ALK: variants seen among roughly 807,000 people sequenced by gnomAD.
ALK encodes ALK tyrosine kinase receptor.
Under a neutral mutation model 163.1 loss-of-function variants are expected in ALK, and 74 were observed. That is an observed-to-expected ratio of 0.45 (90% CI 0.38 to 0.55). The LOEUF (loss-of-function observed/expected upper bound fraction) is 0.55, where lower values mean the gene tolerates loss of function less well. ALK is among the 20% of genes least tolerant of loss of function. The probability of loss-of-function intolerance (pLI) is 0.00; values close to 1 mark genes in which losing one functional copy is unlikely to be tolerated. For missense variants in ALK, 2,063 were observed against 2,105.3 expected, an observed-to-expected ratio of 0.98 and a Z score of 0.39; for synonymous variants, 960 against 843.2, an observed-to-expected ratio of 1.14 and a Z score of -2.40.
rs1673132479 is a variant in ALK, at chr2:29,531,990, C to T, written c.1079G>A (p.Arg360Lys). ...GTGGGGCAGCAGCTGGGCAATGTAC[C>T]TTCCAGAGGGCTGCAGGTGCCTGTG... ...SVHRHLQPSGRYIAQLLPHNE... is the reference protein window; with the variant it reads ...SVHRHLQPSGKYIAQLLPHNE... Residue 360 changes from arginine to lysine, a missense_variant, in exon 4 of 29, where the codon AGG (arginine) becomes AAG (lysine). Arg to Lys is a conservative substitution (Grantham distance 26). Coordinates refer to ENST00000389048, the MANE Select transcript of ALK (RefSeq NM_004304.5). 9 of 1,614,164 alleles carry T rather than the reference C, an allele frequency of 5.6e-6. No homozygotes were observed. Among genetic ancestry groups the T allele is most frequent in the Non-Finnish European group, 7.6e-6 (9 of 1,180,014 alleles).
chr2:29,431,267 G>A (rs1370299493), intron 4 of ALK, among the ~76,000 whole-genome samples: 1 of 152,116 alleles, frequency 6.6e-6, no homozygotes, highest in African/African-American at 2.4e-5. Flanking sequence ...GTGCTCTCAG[G>A]TTGTATCTCC....
intron 5 of ALK, among the ~76,000 whole-genome samples, chr2:29,369,184 C>A (rs1349988967): frequency 6.6e-6 from 1 of 152,180 alleles, no homozygotes; most frequent in Admixed American, 6.5e-5. Context: ...CTAGGGAAGA[C>A]CTCAGCCTTG....
In ALK at chr2:29,193,927, C is replaced by A. The variant is rs1668958083; in HGVS notation, c.4165-5G>T. The A allele has an allele frequency of 1.9e-6, 3 of 1,613,794 alleles. No individual in the cohort carries two copies. Among genetic ancestry groups the A allele is most frequent in the Non-Finnish European group, 2.5e-6 (3 of 1,179,920 alleles). ...GGTGTTGATTACATCCGGGTCCTGC[C>A]GTAGGGGAAATTATTAAAACTTTGA... On this transcript the variant is annotated splice_region_variant and splice_polypyrimidine_tract_variant and intron_variant, in intron 28 of 28. Coordinates refer to ENST00000389048, the MANE Select transcript of ALK (RefSeq NM_004304.5).
chr2:29,367,370 C>T (rs550485515), intron 5 of ALK, among the ~76,000 whole-genome samples: 1 of 152,302 alleles, frequency 6.6e-6, no homozygotes, highest in South Asian at 2.1e-4. Flanking sequence ...GACTTGGCCA[C>T]TTGGTAGCTG....
In ALK at chr2:29,438,684, A is replaced by AT. The variant is rs1670463175; in HGVS notation, c.1155-54826dup. Among the ~76,000 whole-genome samples, 3 of 152,154 alleles carry AT rather than the reference A, an allele frequency of 2.0e-5. No homozygotes were observed. In the South Asian group the frequency reaches 6.2e-4, roughly 32 times the overall value. ...GACCTTCAGAGGGCTGCCTTCAGGA[A>AT]TATGTAGGTGGAGCTAAGAAGTTCC... On this transcript the variant is annotated intron_variant, in intron 4 of 28. Coordinates refer to ENST00000389048, the MANE Select transcript of ALK (RefSeq NM_004304.5).
intron 1 of ALK, among the ~76,000 whole-genome samples, chr2:29,834,278 TACTC>T (rs1192830788): frequency 2.0e-5 from 3 of 152,220 alleles, no homozygotes; most frequent in African/African-American, 7.2e-5. Context: ...GTCTACATGG[TACTC>T]ACCCAATTAG....
chr2:29,637,004 C>T (rs993031017), intron 3 of ALK, among the ~76,000 whole-genome samples: 8 of 152,122 alleles, frequency 5.3e-5, no homozygotes, highest in Non-Finnish European at 1.2e-4. Context: ...TAACATGGTA[C>T]AGCCACTCTG....
chr2:29,247,035 A>G (rs111947608), intron 12 of ALK, among the ~76,000 whole-genome samples: 2 of 152,270 alleles, frequency 1.3e-5, no homozygotes, highest in African/African-American at 4.8e-5. Context: ...TTTGTAGACA[A>G]TGCTTAGGGC....
At chr2:29,748,527 T>G (rs1680268961) in intron 1 of ALK, among the ~76,000 whole-genome samples, 1 of 152,010 alleles carries the variant, frequency 6.6e-6, no homozygotes, top group African/African-American at 2.4e-5. Context: ...ATGCCGCTGG[T>G]CAAACACTAT....
At position 29,920,873 on chromosome 2, in the gene ALK, C is replaced by T. The variant is rs1053232010; in HGVS notation, c.-214G>A. ...TGAAACAGACCTGGAAGCTCAGGGG[C>T]GAGTCCAGAGACACTCAAGCACACT... On this transcript the variant is annotated 5_prime_UTR_variant, in exon 1 of 29. Coordinates refer to ENST00000389048, the MANE Select transcript of ALK (RefSeq NM_004304.5). 30 of 585,886 alleles carry T rather than the reference C, an allele frequency of 5.1e-5. No individual in the cohort carries two copies. The highest frequency in any genetic ancestry group is 3.9e-4 in the Admixed American group (13 of 33,050). The allele number at this position is 585,886 out of a possible 1,614,324, so 36.3% of individuals were successfully genotyped here. A position where few individuals can be genotyped will look rare whatever the true frequency, so the allele number is the denominator to read the frequency against.
chr2:29,446,612 C>T (rs1311244467), intron 4 of ALK, among the ~76,000 whole-genome samples: 1 of 152,192 alleles, frequency 6.6e-6, no homozygotes. Context: ...GCCACCACTG[C>T]CAAGATCTCC....
chr2:29,546,227 T>C (rs1407435219), intron 3 of ALK, among the ~76,000 whole-genome samples: 1 of 152,180 alleles, frequency 6.6e-6, no homozygotes, highest in Admixed American at 6.5e-5. Flanking sequence ...GTTTTTTTCT[T>C]TTACATCAAT....
chr2:29,300,089 G>C (rs1424857719), intron 8 of ALK, among the ~76,000 whole-genome samples: 1 of 152,204 alleles, frequency 6.6e-6, no homozygotes, highest in East Asian at 1.9e-4. Context: ...AGAAATGCAT[G>C]AGTGTTGCAT....
intron 1 of ALK, among the ~76,000 whole-genome samples, chr2:29,732,573 A>C (rs1240945550): frequency 6.6e-6 from 1 of 152,140 alleles, no homozygotes; most frequent in East Asian, 1.9e-4. Context: ...TGTTAGGGAG[A>C]ACTGTGGACT....
At chr2:29,491,224 CAT>C (rs1335141120) in intron 4 of ALK, among the ~76,000 whole-genome samples, 1 of 152,184 alleles carries the variant, frequency 6.6e-6, no homozygotes, top group Non-Finnish European at 1.5e-5. Context: ...TCTAATGTCT[CAT>C]GTGGTTAGTC....
intron 26 of ALK, among the ~76,000 whole-genome samples, chr2:29,198,940 A>G (rs1669089850): frequency 6.7e-6 from 1 of 150,108 alleles, no homozygotes. Flanking sequence ...AAAAAATTCA[A>G]ATACTTTTAT....
At chr2:29,524,653 ATC>A (rs559243021) in intron 4 of ALK, among the ~76,000 whole-genome samples, 249 of 152,374 alleles carry the variant, frequency 1.6e-3, no homozygotes, top group Non-Finnish European at 3.0e-3. Context: ...ACAACATAGT[ATC>A]TGTTTCATGA....
At chr2:29,478,013 A>C (rs1558342143) in intron 4 of ALK, among the ~76,000 whole-genome samples, 1 of 152,222 alleles carries the variant, frequency 6.6e-6, no homozygotes, top group Non-Finnish European at 1.5e-5. Flanking sequence ...AGTATTGATG[A>C]GCTGTGCAAA....
chr2:29,920,624 C>A lies in ALK; in HGVS notation c.36G>T (p.Leu12=). 1 of 1,544,592 alleles carries A rather than the reference C, an allele frequency of 6.5e-7. No homozygotes were observed. The highest frequency in any genetic ancestry group is 8.7e-7 in the Non-Finnish European group (1 of 1,152,436). ...AGCCCACAGCTGCCGTGGAAAGCAGCAGCGGCAGGAGCCACAGGAGCCCGA... is the reference window on the plus strand; with the variant it reads ...AGCCCACAGCTGCCGTGGAAAGCAGAAGCGGCAGGAGCCACAGGAGCCCGA... ...GAIGLLWLLP[L]LLSTAAVGSG... The change falls in exon 1 of 29, where the codon CTG becomes CTT. Residue 12 remains leucine, a synonymous_variant. Transcript: ENST00000389048.
Sources: allele counts gnomAD v4.1 joint callset (sites outside exome capture counted in the v4.1 genomes callset), GRCh38; gene constraint gnomAD v4.1.1; transcripts MANE v1.5; gene names NCBI Gene and HGNC (gene_info 2026-07-23, HGNC 2026-07-21).